REV1: variants seen among roughly 807,000 people sequenced by gnomAD.
REV1 encodes REV1 DNA directed polymerase.
In REV1, 42 loss-of-function variants were observed where a neutral mutation model predicts 137.4. That is an observed-to-expected ratio of 0.31 (90% CI 0.24 to 0.40). REV1 has a LOEUF of 0.40. Among genes scored for constraint, REV1 ranks in the 10% least tolerant of loss-of-function variants. REV1 has a pLI of 1.00. For missense variants in REV1, 1,282 were observed against 1,490.1 expected (o/e 0.86, Z 2.30); for synonymous variants, 524 against 519.2 (o/e 1.01, Z -0.12).
chr2:99,444,271 T>C (rs927360928), intron 4 of REV1, among the ~76,000 whole-genome samples: 1 of 152,248 alleles, frequency 6.6e-6, no homozygotes, highest in African/African-American at 2.4e-5. Flanking sequence ...TTCCATCCTT[T>C]ATCATAGATA....
chr2:99,485,741 G>T (rs1687061634), intron 1 of REV1, among the ~76,000 whole-genome samples: 1 of 152,176 alleles, frequency 6.6e-6, no homozygotes, highest in African/African-American at 2.4e-5. Context: ...ATTTGCTCTA[G>T]ACATCCACAA....
rs1363978266 is a variant in REV1 at position 99,424,180 on chromosome 2, C to T, written c.1648G>A (p.Ala550Thr). ...GCCAATGTTTCATACAATGTTTGTG[C>T]GACTTCCTTATATGCATGAAAATCG... ...PYDFHAYKEV[A>T]QTLYETLASY... Residue 550 changes from alanine to threonine, a missense_variant, in exon 10 of 23, where the codon GCA (alanine) becomes ACA (threonine). Transcript: ENST00000258428. 1.9e-6 allele frequency: 3 copies of T among 1,613,560 alleles called. No homozygotes were observed. Among genetic ancestry groups the T allele is most frequent in the African/African-American group, 1.3e-5 (1 of 74,882 alleles).
At chr2:99,451,182 A>G (rs559723170) in intron 3 of REV1, among the ~76,000 whole-genome samples, 1 of 152,360 alleles carries the variant, frequency 6.6e-6, no homozygotes, top group African/African-American at 2.4e-5. Flanking sequence ...ACCAAATCCA[A>G]TGAAATCACA....
chr2:99,425,006 T>C (rs1185106711), intron 9 of REV1: 5 of 808,068 alleles, frequency 6.2e-6, no homozygotes, highest in Non-Finnish European at 8.2e-6. Context: ...TATACATAAT[T>C]AGTAAAATTC....
chr2:99,442,421 G>A lies in REV1; in HGVS notation c.399C>T (p.Thr133=), dbSNP rs1408608890. The A allele has an allele frequency of 6.2e-7, 1 of 1,613,808 alleles. No homozygotes were observed. The highest frequency in any genetic ancestry group is 2.2e-5 in the East Asian group (1 of 44,894). The stretch of plus-strand genomic sequence containing the variant: ...GACCTTTCTGCACACTGGACTGCTT[G>A]GTGTACAGCTGATATGGAATGTAGG... ...LLSYIPYQLY[T]KQSSVQKGLS... is the part of the protein sequence containing the mutation. The change falls in exon 5 of 23, where the codon ACC becomes ACT. Residue 133 remains threonine, a synonymous_variant. Transcript: ENST00000258428.
chr2:99,440,886 T>A (rs759839637), intron 5 of REV1, among the ~76,000 whole-genome samples: 3 of 152,188 alleles, frequency 2.0e-5, no homozygotes, highest in Non-Finnish European at 4.4e-5. Context: ...GAAAATACAT[T>A]GTTAACATAC....
chr2:99,462,739 C>T, intron 2 of REV1, 117 bp from the exon 3 acceptor site: 3 of 1,034,784 alleles, frequency 2.9e-6, no homozygotes, highest in Non-Finnish European at 4.3e-6. Context: ...TGCTAGTGAC[C>T]AGAACATAAT....
chr2:99,400,594 G>A lies in REV1; in HGVS notation c.*647C>T, dbSNP rs1675239878. On this transcript the variant is annotated 3_prime_UTR_variant, in exon 23 of 23. Transcript: ENST00000258428. ...TATCATCAAAGTTTCTCAATGGCCA[G>A]TAGAAGCAAAAAGACAACACCACCT... The A allele has an allele frequency of 6.6e-6, 1 of 152,118 alleles. No homozygotes were observed. Among genetic ancestry groups the A allele is most frequent in the Non-Finnish European group, 1.5e-5 (1 of 68,028 alleles). The allele number at this position is 152,118 out of a possible 1,614,324, so 9.4% of individuals were successfully genotyped here. A position where few individuals can be genotyped will look rare whatever the true frequency, so the allele number is the denominator to read the frequency against.
intron 3 of REV1, among the ~76,000 whole-genome samples, chr2:99,454,571 A>C (rs1387118982): frequency 3.4e-5 from 5 of 144,962 alleles, no homozygotes; most frequent in East Asian, 2.0e-4. Flanking sequence ...AAAAAAAAAA[A>C]AAAAAAAAAA....
chr2:99,427,898 T>C (rs776001444), intron 9 of REV1, among the ~76,000 whole-genome samples: 12 of 152,156 alleles, frequency 7.9e-5, no homozygotes, highest in African/African-American at 2.7e-4. Context: ...CCCAATTATT[T>C]TGCAAGGCAT....
chr2:99,478,405 A>G (rs932391740), intron 1 of REV1, among the ~76,000 whole-genome samples: 1 of 152,220 alleles, frequency 6.6e-6, no homozygotes, highest in African/African-American at 2.4e-5. Context: ...TACACATCTC[A>G]AAGTCAGCAT....
At chr2:99,471,311 A>G (rs1332318147) in intron 1 of REV1, among the ~76,000 whole-genome samples, 1 of 152,250 alleles carries the variant, frequency 6.6e-6, no homozygotes, top group Non-Finnish European at 1.5e-5. Flanking sequence ...TGTGTTTAAA[A>G]GAACCTCTTC....
At chr2:99,409,902 T>C (rs1676898227) in intron 14 of REV1, among the ~76,000 whole-genome samples, 1 of 144,026 alleles carries the variant, frequency 6.9e-6, no homozygotes, top group African/African-American at 2.5e-5. Context: ...TTTTACCAGT[T>C]TTCAGACATT....
intron 9 of REV1, among the ~76,000 whole-genome samples, chr2:99,427,371 TCTCA>T (rs1679524891): frequency 6.6e-6 from 1 of 152,176 alleles, no homozygotes; most frequent in Admixed American, 6.5e-5. Flanking sequence ...CAATCTACCT[TCTCA>T]CTGATTCCAT....
intron 15 of REV1, among the ~76,000 whole-genome samples, chr2:99,407,544 CTG>C (rs1490110058): frequency 6.6e-6 from 1 of 150,718 alleles, no homozygotes; most frequent in Non-Finnish European, 1.5e-5. Flanking sequence ...AGGGCAAAAA[CTG>C]TCTCAAAAAA....
At chr2:99,458,096 A>AT (rs1425376394) in intron 3 of REV1, among the ~76,000 whole-genome samples, 1 of 152,234 alleles carries the variant, frequency 6.6e-6, no homozygotes, top group Non-Finnish European at 1.5e-5. Context: ...AAAGATCAAC[A>AT]TATCAGATCT....
Position 99,400,815 on chromosome 2 carries a change from G to T in REV1, c.*426C>A, listed in dbSNP as rs952735297. 1 of 153,520 alleles carries T rather than the reference G, an allele frequency of 6.5e-6. No homozygotes were observed. The highest frequency in any genetic ancestry group is 1.5e-5 in the Non-Finnish European group (1 of 68,754). 9.5% of individuals were successfully genotyped at this position (153,520 alleles called of 1,614,324 possible). A position where few individuals can be genotyped will look rare whatever the true frequency, so the allele number is the denominator to read the frequency against. On this transcript the variant is annotated 3_prime_UTR_variant, in exon 23 of 23. Transcript: ENST00000258428. The stretch of plus-strand genomic sequence containing the variant: ...CCTTTCTTGGAACAAGTAGAATCCC[G>T]GTCTGAGACCTCTCAGGAATTTCAG...
chr2:99,425,899 G>A (rs1027853445), intron 9 of REV1, among the ~76,000 whole-genome samples: 1 of 151,934 alleles, frequency 6.6e-6, no homozygotes, highest in Non-Finnish European at 1.5e-5. Context: ...AGCGAGAAGT[G>A]GTGGCGCATG....
intron 2 of REV1, among the ~76,000 whole-genome samples, chr2:99,463,576 T>C (rs1249793046): frequency 6.6e-6 from 1 of 152,216 alleles, no homozygotes; most frequent in East Asian, 1.9e-4. Context: ...TTGAGCAAGC[T>C]ACACCAAAGT....
Sources: gnomAD v4.1 joint callset for allele counts (sites outside exome capture counted in the v4.1 genomes callset) on GRCh38, gnomAD v4.1.1 for gene constraint, MANE v1.5 for transcripts, NCBI Gene and HGNC (gene_info 2026-07-23, HGNC 2026-07-21) for gene names.